AKAP19: variants seen among roughly 807,000 people sequenced by gnomAD.
AKAP19 encodes the protein small A-kinase anchoring protein.
the AKAP19 span, among the ~76,000 whole-genome samples, chr2:190,094,075 C>A: frequency 6.6e-6 from 1 of 152,208 alleles, no homozygotes; most frequent in Admixed American, 6.5e-5. Context: ...CTCTCCACAG[C>A]GACAGAGTAA....
the AKAP19 span, among the ~76,000 whole-genome samples, chr2:189,984,338 G>A: frequency 1.2e-4 from 19 of 152,200 alleles, no homozygotes; most frequent in Admixed American, 7.2e-4. Flanking sequence ...TCTCAGGGAC[G>A]TTCCATGCCG....
the AKAP19 span, among the ~76,000 whole-genome samples, chr2:189,911,761 T>C: frequency 2.0e-5 from 3 of 152,140 alleles, no homozygotes; most frequent in Admixed American, 2.0e-4. Flanking sequence ...ATTCATTTTA[T>C]CCCTTGGTTA....
chr2:189,931,068 T>A, the AKAP19 span: 1 of 453,978 alleles, frequency 2.2e-6, no homozygotes, highest in Non-Finnish European at 4.0e-6. Context: ...CTCTATTTTC[T>A]ACCTTGAAAT....
At chr2:189,964,275 A>T in the AKAP19 span, among the ~76,000 whole-genome samples, 3 of 152,274 alleles carry the variant, frequency 2.0e-5, no homozygotes, top group East Asian at 3.9e-4. Flanking sequence ...GTGGGCTTAA[A>T]ATATTCAGTA....
chr2:190,172,395 A>T, the AKAP19 span, among the ~76,000 whole-genome samples: 1 of 152,240 alleles, frequency 6.6e-6, no homozygotes, highest in African/African-American at 2.4e-5. Context: ...TATGAAATAT[A>T]ACATCCATGG....
the AKAP19 span, chr2:190,057,707 A>T: frequency 6.5e-7 from 1 of 1,532,498 alleles, no homozygotes; most frequent in Non-Finnish European, 9.0e-7. Context: ...CTACCTTAAG[A>T]AGTTATTGTT....
At chr2:189,972,007 T>C in the AKAP19 span, among the ~76,000 whole-genome samples, 1 of 152,198 alleles carries the variant, frequency 6.6e-6, no homozygotes, top group Non-Finnish European at 1.5e-5. Context: ...TTTGTCAATT[T>C]TGGCTTTTGT....
the AKAP19 span, among the ~76,000 whole-genome samples, chr2:190,115,702 C>T: frequency 3.9e-5 from 6 of 152,202 alleles, 1 homozygote; most frequent in East Asian, 1.2e-3. Context: ...TATTCTCAGT[C>T]CCTCCACTAG....
the AKAP19 span, among the ~76,000 whole-genome samples, chr2:190,139,427 A>C: frequency 6.6e-6 from 1 of 152,200 alleles, no homozygotes; most frequent in Non-Finnish European, 1.5e-5. Flanking sequence ...TATGAAGGCT[A>C]TATTAGTCCA....
the AKAP19 span, among the ~76,000 whole-genome samples, chr2:190,040,329 G>A: frequency 2.6e-5 from 4 of 152,146 alleles, no homozygotes; most frequent in Non-Finnish European, 4.4e-5. Flanking sequence ...CTTTGGAGAA[G>A]TATCTGTTCA....
chr2:190,031,853 T>A, the AKAP19 span, among the ~76,000 whole-genome samples: 3 of 152,116 alleles, frequency 2.0e-5, no homozygotes, highest in Non-Finnish European at 2.9e-5. Flanking sequence ...GTCAGTTTTT[T>A]AAAAAAAATT....
At chr2:190,114,480 G>C in the AKAP19 span, among the ~76,000 whole-genome samples, 1 of 152,196 alleles carries the variant, frequency 6.6e-6, no homozygotes, top group South Asian at 2.1e-4. Context: ...TTTTGAGACG[G>C]AGTCTCGCTC....
the AKAP19 span, among the ~76,000 whole-genome samples, chr2:190,080,871 G>A: frequency 1.3e-5 from 2 of 152,164 alleles, no homozygotes; most frequent in African/African-American, 4.8e-5. Flanking sequence ...GCACTGAGAT[G>A]TAAGTAGCTA....
chr2:189,930,676 CA>C, the AKAP19 span: 45,439 of 302,882 alleles, frequency 0.15, 2,310 homozygotes, highest in African/African-American at 0.32. Flanking sequence ...AACTCCCTCT[CA>C]AAAAAAAAAA....
the AKAP19 span, among the ~76,000 whole-genome samples, chr2:189,953,471 C>T: frequency 6.6e-6 from 1 of 151,632 alleles, no homozygotes; most frequent in Admixed American, 6.6e-5. Flanking sequence ...CCTGTCTCTG[C>T]TGAAAATACA....
the AKAP19 span, among the ~76,000 whole-genome samples, chr2:189,989,942 A>G: frequency 0.083 from 12,594 of 152,206 alleles, 1,475 homozygotes; most frequent in African/African-American, 0.25. Flanking sequence ...CTCTGAACTG[A>G]TCTACAAATT....
the AKAP19 span, among the ~76,000 whole-genome samples, chr2:189,881,101 G>A: frequency 1.3e-5 from 2 of 151,916 alleles, no homozygotes; most frequent in East Asian, 3.9e-4. Flanking sequence ...ACAAAGATAA[G>A]TACTGAAAAA....
chr2:190,076,089 TG>T, the AKAP19 span, among the ~76,000 whole-genome samples: 1 of 152,182 alleles, frequency 6.6e-6, no homozygotes, highest in African/African-American at 2.4e-5. Flanking sequence ...CCTAATGCAT[TG>T]TTGTTATTTT....
chr2:190,076,926 G>C, the AKAP19 span, among the ~76,000 whole-genome samples: 2 of 152,068 alleles, frequency 1.3e-5, no homozygotes, highest in Non-Finnish European at 2.9e-5. Context: ...TTAATGTCCT[G>C]TAAGTCACAC....
Sources: gnomAD v4.1 joint callset for allele counts (sites outside exome capture counted in the v4.1 genomes callset) on GRCh38, gnomAD v4.1.1 for gene constraint, MANE v1.5 for transcripts, NCBI Gene and HGNC (gene_info 2026-07-23, HGNC 2026-07-21) for gene names.